FAM227B: variants seen among roughly 807,000 people sequenced by gnomAD.
FAM227B encodes family with sequence similarity 227 member B, also known as protein FAM227B.
In FAM227B, 88 loss-of-function variants were observed where a neutral mutation model predicts 73.8. That is an observed-to-expected ratio of 1.19 (90% CI 1.00 to 1.42). The LOEUF is 1.42. FAM227B is among the 40% of genes most tolerant of loss of function. The pLI is 0.00. For synonymous variants in FAM227B, 210 were observed against 190.5 expected (o/e 1.10, Z -0.84); for missense variants, 632 against 590.9 (o/e 1.07, Z -0.72).
chr15:49,520,446 C>A (rs1597834013), intron 10 of FAM227B, among the ~76,000 whole-genome samples: 1 of 152,290 alleles, frequency 6.6e-6, no homozygotes, highest in South Asian at 2.1e-4. Context: ...TAGTACCCTG[C>A]TCTCCTGGTG....
intron 11 of FAM227B, among the ~76,000 whole-genome samples, chr15:49,475,094 G>T (rs1326141906): frequency 6.6e-6 from 1 of 152,016 alleles, no homozygotes; most frequent in South Asian, 2.1e-4. Flanking sequence ...CTATAGAATT[G>T]GTTACACAAA....
chr15:49,397,086 T>A (rs2151607704), intron 11 of FAM227B, among the ~76,000 whole-genome samples: 1 of 152,020 alleles, frequency 6.6e-6, no homozygotes, highest in African/African-American at 2.4e-5. Context: ...GGCAAAGAAG[T>A]TGAAAACCTT....
At chr15:49,531,501 AT>A (rs1260744913) in intron 10 of FAM227B, among the ~76,000 whole-genome samples, 1 of 152,034 alleles carries the variant, frequency 6.6e-6, no homozygotes, top group East Asian at 1.9e-4. Flanking sequence ...TCAAAATTCC[AT>A]TTCTGAATAT....
intron 13 of FAM227B, among the ~76,000 whole-genome samples, chr15:49,346,501 C>T (rs890726479): frequency 2.1e-4 from 32 of 152,178 alleles, no homozygotes; most frequent in African/African-American, 7.7e-4. Flanking sequence ...TGTTCTCCTG[C>T]CTCCTTGCTT....
At position 49,328,377 on chromosome 15, in the gene FAM227B, C is replaced by G. The variant is rs2037891349; in HGVS notation, c.*191G>C. 2 of 1,424,190 alleles carry G rather than the reference C, an allele frequency of 1.4e-6. No homozygotes were observed. Among genetic ancestry groups the G allele is most frequent in the Admixed American group, 5.8e-5 (2 of 34,258 alleles). The allele number at this position is 1,424,190 out of a possible 1,614,324, so 88.2% of individuals were successfully genotyped here. ...TGGTTTTACTATTAAGAGCCAAGAT[C>G]ATGCTTGGACAGATCTTTTAAGAAT... On this transcript the variant is annotated 3_prime_UTR_variant, in exon 16 of 16. Transcript: ENST00000299338.
intron 11 of FAM227B, among the ~76,000 whole-genome samples, chr15:49,454,466 T>C (rs2053077992): frequency 6.6e-6 from 1 of 152,204 alleles, no homozygotes. Context: ...CCTATCAGCA[T>C]ATCCTCAAGT....
intron 11 of FAM227B, among the ~76,000 whole-genome samples, chr15:49,437,007 T>C (rs1324505229): frequency 6.6e-6 from 1 of 151,576 alleles, no homozygotes; most frequent in Non-Finnish European, 1.5e-5. Flanking sequence ...GTAGCAACCT[T>C]CAGTTTATTT....
In FAM227B at chr15:49,489,855, ATATTTTATAT is replaced by A. The variant is rs1321154469; in HGVS notation, c.1012+18346_1012+18355del. ...ATATATATATTTTATATATATATAT[ATATTTTATAT>A]ATATATATATATATATATAGAGAGA... is the stretch of plus-strand genomic sequence containing the variant. On this transcript the variant is annotated intron_variant, in intron 11 of 15. Transcript: ENST00000299338. 4.8e-3 allele frequency among the ~76,000 whole-genome samples: 71 copies of A among 14,924 alleles called. 3 individuals carry two copies. The highest frequency in any genetic ancestry group is 7.1e-3 in the Non-Finnish European group (46 of 6,496). 9.8% of individuals were successfully genotyped at this position (14,924 alleles called of 152,430 possible). A position where few individuals can be genotyped will look rare whatever the true frequency, so the allele number is the denominator to read the frequency against.
intron 10 of FAM227B, among the ~76,000 whole-genome samples, chr15:49,538,313 G>A (rs2070560299): frequency 6.6e-6 from 1 of 152,150 alleles, no homozygotes; most frequent in African/African-American, 2.4e-5. Context: ...GACAAGGACA[G>A]CTCAGCCAAG....
At chr15:49,401,285 T>C (rs1282972391) in intron 11 of FAM227B, among the ~76,000 whole-genome samples, 5 of 152,204 alleles carry the variant, frequency 3.3e-5, no homozygotes, top group Admixed American at 3.3e-4. Flanking sequence ...GAAATGCAAA[T>C]CAAAACCACA....
intron 9 of FAM227B, among the ~76,000 whole-genome samples, chr15:49,544,584 G>T (rs553045298): frequency 2.2e-4 from 33 of 152,242 alleles, no homozygotes; most frequent in Admixed American, 1.0e-3. Flanking sequence ...TCTTGTTCCA[G>T]TTCTCAGGGG....
intron 3 of FAM227B, among the ~76,000 whole-genome samples, chr15:49,602,222 T>C (rs1416853042): frequency 6.6e-6 from 1 of 152,198 alleles, no homozygotes; most frequent in Non-Finnish European, 1.5e-5. Flanking sequence ...ACCTTCAAAT[T>C]GTTCACTGTA....
chr15:49,512,855 G>A (rs1294076021), intron 10 of FAM227B, among the ~76,000 whole-genome samples: 2 of 152,094 alleles, frequency 1.3e-5, no homozygotes, highest in East Asian at 3.9e-4. Context: ...TGAGTTGCTT[G>A]GTTTTCTATT....
At chr15:49,530,918 A>T (rs960140952) in intron 10 of FAM227B, among the ~76,000 whole-genome samples, 6 of 151,788 alleles carry the variant, frequency 4.0e-5, no homozygotes, top group Admixed American at 2.6e-4. Flanking sequence ...CTATAGAATC[A>T]CAAATATAAT....
intron 13 of FAM227B, among the ~76,000 whole-genome samples, chr15:49,343,085 AG>A (rs990128208): frequency 2.0e-5 from 3 of 152,156 alleles, no homozygotes; most frequent in African/African-American, 7.2e-5. Flanking sequence ...TAACAAGATT[AG>A]GGACACTTTT....
At chr15:49,612,561 TA>T in intron 2 of FAM227B, among the ~76,000 whole-genome samples, 1 of 152,206 alleles carries the variant, frequency 6.6e-6, no homozygotes, top group African/African-American at 2.4e-5. Context: ...CATAAATGAG[TA>T]GATGAATGTC....
chr15:49,331,741 G>C (rs754888243), intron 15 of FAM227B, 39 bp downstream of exon 15: 1 of 1,240,030 alleles, frequency 8.1e-7, no homozygotes, highest in South Asian at 1.2e-5. Context: ...AAAGAAGCTA[G>C]AGAGAGAATT....
chr15:49,371,575 T>C (rs542609267), intron 11 of FAM227B, among the ~76,000 whole-genome samples, 176 bp from the exon 12 acceptor site: 1 of 152,078 alleles, frequency 6.6e-6, no homozygotes, highest in African/African-American at 2.4e-5. Context: ...AAATATTTCA[T>C]ATTTTTACTC....
At chr15:49,456,048 T>C (rs569288033) in intron 11 of FAM227B, among the ~76,000 whole-genome samples, 10 of 152,256 alleles carry the variant, frequency 6.6e-5, no homozygotes, top group East Asian at 1.9e-4. Context: ...TGACCGCATA[T>C]TGGTGCCACT....
Sources: gnomAD v4.1 joint callset for allele counts (sites outside exome capture counted in the v4.1 genomes callset) on GRCh38, gnomAD v4.1.1 for gene constraint, MANE v1.5 for transcripts, NCBI Gene and HGNC (gene_info 2026-07-23, HGNC 2026-07-21) for gene names.